FLT1: variants seen among roughly 807,000 people sequenced by gnomAD.
FLT1 encodes the protein vascular endothelial growth factor receptor 1.
FLT1 carries 49 observed loss-of-function variants against 156.3 expected under a neutral mutation model. The ratio of observed to expected loss-of-function variants is 0.31; its 90% confidence interval spans 0.25 to 0.40. The LOEUF (loss-of-function observed/expected upper bound fraction) is 0.40. Ranked by LOEUF, FLT1 falls within the 10% of genes least tolerant of loss-of-function variation. The pLI, the probability that FLT1 is intolerant of heterozygous loss-of-function variation, is 1.00. For synonymous variants in FLT1, 594 were observed against 583.8 expected, an observed-to-expected ratio of 1.02 and a Z score of -0.25; for missense variants, 1,322 against 1,637.2, an observed-to-expected ratio of 0.81 and a Z score of 3.32.
At chr13:28,483,336 T>C (rs1215159825) in intron 1 of FLT1, among the ~76,000 whole-genome samples, 2 of 152,158 alleles carry the variant, frequency 1.3e-5, no homozygotes, top group Non-Finnish European at 2.9e-5. Flanking sequence ...AATGCCAACT[T>C]AGAGAAAGAA....
chr13:28,493,823 C>T (rs1881594506), intron 1 of FLT1, among the ~76,000 whole-genome samples: 1 of 152,248 alleles, frequency 6.6e-6, no homozygotes, highest in African/African-American at 2.4e-5. Flanking sequence ...TGTTCCACCG[C>T]CCGTCTCCCA....
At chr13:28,314,938 A>G (rs1871141389) in intron 25 of FLT1, among the ~76,000 whole-genome samples, 1 of 152,242 alleles carries the variant, frequency 6.6e-6, no homozygotes, top group East Asian at 1.9e-4. Flanking sequence ...AGTCCAAAGC[A>G]GTTTTTGGTC....
At chr13:28,469,137 G>A (rs965081041) in intron 1 of FLT1, among the ~76,000 whole-genome samples, 21 of 152,190 alleles carry the variant, frequency 1.4e-4, no homozygotes, top group Non-Finnish European at 2.8e-4. Flanking sequence ...CAGGATTAGC[G>A]TTCCTTAGGC....
intron 1 of FLT1, among the ~76,000 whole-genome samples, chr13:28,482,625 C>CA (rs1368983611): frequency 1.3e-5 from 2 of 152,170 alleles, no homozygotes; most frequent in East Asian, 3.8e-4. Context: ...ATTACTCCAG[C>CA]AAGGCAATTC....
At chr13:28,390,766 G>A (rs1451255613) in intron 12 of FLT1, among the ~76,000 whole-genome samples, 1 of 152,190 alleles carries the variant, frequency 6.6e-6, no homozygotes, top group Non-Finnish European at 1.5e-5. Context: ...GGGCAAAATA[G>A]TGAAGTAACA....
chr13:28,305,521 T>G (rs1207585920), intron 29 of FLT1, among the ~76,000 whole-genome samples: 2 of 152,214 alleles, frequency 1.3e-5, no homozygotes, highest in African/African-American at 4.8e-5. Context: ...ATGGTAGTCT[T>G]GATTTGTATT....
At chr13:28,483,051 A>G (rs1403118786) in intron 1 of FLT1, among the ~76,000 whole-genome samples, 2 of 152,172 alleles carry the variant, frequency 1.3e-5, no homozygotes, top group Non-Finnish European at 2.9e-5. Flanking sequence ...TTCCACACAT[A>G]TATTTTTCTC....
intron 17 of FLT1, among the ~76,000 whole-genome samples, chr13:28,337,593 G>A (rs886657501): frequency 1.3e-5 from 2 of 152,164 alleles, no homozygotes; most frequent in African/African-American, 4.8e-5. Flanking sequence ...TCACCCATCA[G>A]AGACACTCAA....
chr13:28,400,792 A>C (rs1469103374), intron 11 of FLT1, among the ~76,000 whole-genome samples: 2 of 152,248 alleles, frequency 1.3e-5, no homozygotes, highest in Admixed American at 1.3e-4. Context: ...AATTATAATC[A>C]TTTATTCTAT....
Position 28,439,578 on chromosome 13 carries a change from G to A in FLT1, c.389-1233C>T, listed in dbSNP as rs1299783010. 2.0e-5 allele frequency among the ~76,000 whole-genome samples: 3 copies of A among 152,198 alleles called. No individual in the cohort carries two copies. The highest frequency in any genetic ancestry group is 4.4e-5 in the Non-Finnish European group (3 of 68,036). ...TGTACTTCTGAATGTAACCTCATTTGAAAACAGGATTGTTGCAAATGTAAT... is the reference window on the plus strand; with the variant it reads ...TGTACTTCTGAATGTAACCTCATTTAAAAACAGGATTGTTGCAAATGTAAT... On this transcript the variant is annotated intron_variant, in intron 3 of 29. Transcript: ENST00000282397. This position sits in a 1 kb window ranked among gnomAD's most constrained non-coding sequence, Gnocchi z 4.1.
intron 18 of FLT1, 77 bp downstream of exon 18, chr13:28,333,948 A>G (rs1365442153): frequency 1.1e-6 from 1 of 917,512 alleles, no homozygotes; most frequent in Non-Finnish European, 1.8e-6. Flanking sequence ...TTCCCAGGCT[A>G]TATCTAACTT....
chr13:28,317,784 A>G (rs1458001485), intron 24 of FLT1, among the ~76,000 whole-genome samples, 187 bp from the exon 25 acceptor site: 1 of 152,200 alleles, frequency 6.6e-6, no homozygotes, highest in Non-Finnish European at 1.5e-5. Flanking sequence ...CTTGCTAAGG[A>G]CACCCGCTTG....
chr13:28,386,419 G>C, intron 13 of FLT1: 1 of 1,038,110 alleles, frequency 9.6e-7, no homozygotes, highest in Non-Finnish European at 1.2e-6. Flanking sequence ...GATTTCTACA[G>C]TTTATCATTA....
rs1340275747 is a variant in FLT1 at position 28,334,086 on chromosome 13, T to C, written c.2532A>G (p.Ala844=). The change falls in exon 18 of 30, where the codon GCA becomes GCG. Residue 844 remains alanine, a synonymous_variant. Transcript: ENST00000282397. ...GRGAFGKVVQ[A]SAFGIKKSPT... ...GTGATTTCTTAATGCCAAATGCTGA[T>C]GCTTGAACCACTTTTCCAAAAGCCC... 15 of 1,613,948 alleles carry C rather than the reference T, an allele frequency of 9.3e-6. No individual in the cohort carries two copies. The highest frequency in any genetic ancestry group is 1.2e-5 in the Non-Finnish European group (14 of 1,179,910).
chr13:28,483,381 T>A (rs1334389363), intron 1 of FLT1, among the ~76,000 whole-genome samples: 3 of 152,132 alleles, frequency 2.0e-5, no homozygotes, highest in Non-Finnish European at 4.4e-5. Context: ...GATTTTTACA[T>A]ACATAGACAC....
intron 27 of FLT1, among the ~76,000 whole-genome samples, chr13:28,311,002 T>C (rs1566279245): frequency 2.0e-5 from 3 of 152,194 alleles, no homozygotes; most frequent in East Asian, 3.9e-4. Context: ...AGAATGTCCT[T>C]CTTTGAGTGC....
intron 14 of FLT1, among the ~76,000 whole-genome samples, chr13:28,371,778 T>C (rs1191673301): frequency 1.3e-5 from 2 of 152,074 alleles, no homozygotes; most frequent in Non-Finnish European, 2.9e-5. Context: ...GTAGAAGGCA[T>C]GAACAGAGCG....
At position 28,301,122 on chromosome 13, in the gene FLT1, A is replaced by C; in HGVS notation, c.*2045T>G. Reference sequence around the variant, plus strand: ...TAATTATTGAAATCAAGACATGAATAGCTAAGGTTTTATTTGTTATCACTA... The same window carrying C: ...TAATTATTGAAATCAAGACATGAATCGCTAAGGTTTTATTTGTTATCACTA... On this transcript the variant is annotated 3_prime_UTR_variant, in exon 30 of 30. Transcript: ENST00000282397. 2 of 232,456 alleles carry C rather than the reference A, an allele frequency of 8.6e-6. No individual in the cohort carries two copies. The highest frequency in any genetic ancestry group is 1.2e-4 in the East Asian group (2 of 16,406). The allele number at this position is 232,456 out of a possible 1,614,324, so 14.4% of individuals were successfully genotyped here. A position where few individuals can be genotyped will look rare whatever the true frequency, so the allele number is the denominator to read the frequency against.
At chr13:28,363,702 C>T (rs1873190533) in intron 14 of FLT1, among the ~76,000 whole-genome samples, 1 of 151,994 alleles carries the variant, frequency 6.6e-6, no homozygotes, top group African/African-American at 2.4e-5. Flanking sequence ...CAACCTTTGC[C>T]TCCTGGGTTC....
Sources: allele counts gnomAD v4.1 joint callset (sites outside exome capture counted in the v4.1 genomes callset), GRCh38; gene constraint gnomAD v4.1.1; non-coding constraint Gnocchi (gnomAD v3.1); transcripts MANE v1.5; gene names NCBI Gene and HGNC (gene_info 2026-07-23, HGNC 2026-07-21).